Variants in PRIM2 observed in about 807,000 individuals in gnomAD.
PRIM2 encodes the protein DNA primase large subunit.
PRIM2 carries 39 observed loss-of-function variants against 67.3 expected under a neutral mutation model. The observed-to-expected ratio is 0.58, with a 90% CI of 0.45 to 0.76. The LOEUF is 0.76. Among genes scored for constraint, PRIM2 ranks in the 30% least tolerant of loss-of-function variants. The pLI, the probability that PRIM2 is intolerant of heterozygous loss-of-function variation, is 0.00. For missense variants in PRIM2, 398 were observed against 598.7 expected, an observed-to-expected ratio of 0.66 and a Z score of 3.50; for synonymous variants, 143 against 198.7, an observed-to-expected ratio of 0.72 and a Z score of 2.36.
chr6:57,297,859 T>A, the PRIM2 span, among the ~76,000 whole-genome samples: 1 of 152,022 alleles, frequency 6.6e-6, no homozygotes, highest in Non-Finnish European at 1.5e-5. Flanking sequence ...AGCAGGGACA[T>A]GAAAGACAAA....
chr6:57,364,692 T>C (rs1377667556), intron 5 of PRIM2, among the ~76,000 whole-genome samples: 2 of 152,012 alleles, frequency 1.3e-5, no homozygotes, highest in Non-Finnish European at 2.9e-5. Context: ...GTCTTCCGCT[T>C]GGCAGGCCCT....
At chr6:57,417,174 T>G (rs1473683444) in intron 7 of PRIM2, among the ~76,000 whole-genome samples, 1 of 151,982 alleles carries the variant, frequency 6.6e-6, no homozygotes, top group Non-Finnish European at 1.5e-5. Context: ...ACCATGTTGG[T>G]CAGGCTAGCC....
chr6:57,305,878 A>G, the PRIM2 span, among the ~76,000 whole-genome samples: 1 of 152,228 alleles, frequency 6.6e-6, no homozygotes, highest in Non-Finnish European at 1.5e-5. Flanking sequence ...AGCTGGCATG[A>G]ATAACTAGTA....
At chr6:57,476,490 C>T (rs1773480162) in intron 7 of PRIM2, among the ~76,000 whole-genome samples, 1 of 152,090 alleles carries the variant, frequency 6.6e-6, no homozygotes, top group African/African-American at 2.4e-5. Flanking sequence ...TTTTGAAATA[C>T]CATTCATCTG....
chr6:57,630,899 A>G (rs1777027916), intron 12 of PRIM2, among the ~76,000 whole-genome samples: 1 of 152,166 alleles, frequency 6.6e-6, no homozygotes, highest in Non-Finnish European at 1.5e-5. Context: ...TTTTAAATTG[A>G]TTTTTCATAT....
intron 10 of PRIM2, among the ~76,000 whole-genome samples, chr6:57,549,927 A>C (rs1775366117): frequency 6.6e-6 from 1 of 152,132 alleles, no homozygotes; most frequent in Non-Finnish European, 1.5e-5. Context: ...CTCTACTAAA[A>C]AGACAAAATT....
chr6:57,257,743 T>G, the PRIM2 span, among the ~76,000 whole-genome samples: 1 of 152,210 alleles, frequency 6.6e-6, no homozygotes, highest in Admixed American at 6.5e-5. Context: ...CCATTTCTCA[T>G]TTGTAAAATG....
chr6:57,378,018 T>C (rs1474080958), intron 5 of PRIM2, among the ~76,000 whole-genome samples: 1 of 152,046 alleles, frequency 6.6e-6, no homozygotes. Context: ...CCAGGTTCCA[T>C]TCAGTGATGT....
At chr6:57,482,768 A>T (rs1397934636) in intron 7 of PRIM2, among the ~76,000 whole-genome samples, 1 of 152,220 alleles carries the variant, frequency 6.6e-6, no homozygotes, top group Non-Finnish European at 1.5e-5. Flanking sequence ...AGGAGAAAGT[A>T]TCAGCTTTGT....
At chr6:57,231,201 G>A in the PRIM2 span, among the ~76,000 whole-genome samples, 1 of 152,278 alleles carries the variant, frequency 6.6e-6, no homozygotes, top group East Asian at 1.9e-4. Context: ...ATCCATATGT[G>A]AGATGGTCCA....
chr6:57,338,170 T>A (rs930943161), intron 5 of PRIM2, among the ~76,000 whole-genome samples: 25 of 151,932 alleles, frequency 1.6e-4, no homozygotes, highest in Non-Finnish European at 1.6e-4. Flanking sequence ...AGAAGTTGAA[T>A]CTCTGAATAG....
chr6:57,352,624 G>A (rs1040993575), intron 5 of PRIM2, among the ~76,000 whole-genome samples: 3 of 152,084 alleles, frequency 2.0e-5, no homozygotes, highest in African/African-American at 7.2e-5. Context: ...ATTAGAGTGG[G>A]GTAAATGAAG....
At chr6:57,555,518 G>T (rs1171216928) in intron 10 of PRIM2, among the ~76,000 whole-genome samples, 3 of 152,146 alleles carry the variant, frequency 2.0e-5, no homozygotes, top group African/African-American at 4.8e-5. Context: ...GACCTCAAGT[G>T]ATCCACCCGC....
chr6:57,292,255 A>G, the PRIM2 span, among the ~76,000 whole-genome samples: 3 of 152,188 alleles, frequency 2.0e-5, no homozygotes, highest in African/African-American at 7.2e-5. Context: ...AACTACTACA[A>G]AGAGAATAAA....
At chr6:57,578,834 G>T (rs1409902667) in intron 10 of PRIM2, among the ~76,000 whole-genome samples, 9 of 151,264 alleles carry the variant, frequency 5.9e-5, no homozygotes, top group Non-Finnish European at 1.2e-4. Context: ...CCGCTACCAC[G>T]CCCGGCTAAT....
chr6:57,612,469 A>G (rs1463146077), intron 12 of PRIM2, among the ~76,000 whole-genome samples: 2 of 152,232 alleles, frequency 1.3e-5, no homozygotes, highest in African/African-American at 4.8e-5. Flanking sequence ...ACATTATACC[A>G]AGTGAAAGAA....
At chr6:57,291,897 A>G in the PRIM2 span, among the ~76,000 whole-genome samples, 1 of 152,234 alleles carries the variant, frequency 6.6e-6, no homozygotes, top group Non-Finnish European at 1.5e-5. Flanking sequence ...ATCATACTGA[A>G]TAGGCAAAAA....
the PRIM2 span, among the ~76,000 whole-genome samples, chr6:57,260,241 T>C: frequency 1.3e-5 from 2 of 152,138 alleles, no homozygotes; most frequent in African/African-American, 4.8e-5. Context: ...CAAAAGCATA[T>C]AGTGGAGCAG....
intron 7 of PRIM2, among the ~76,000 whole-genome samples, chr6:57,483,138 C>T (rs1773669638): frequency 6.6e-6 from 1 of 152,102 alleles, no homozygotes; most frequent in African/African-American, 2.4e-5. Flanking sequence ...AAACTCCTGA[C>T]CTCAGGTGAT....
Sources: gnomAD v4.1 joint callset for allele counts (sites outside exome capture counted in the v4.1 genomes callset) on GRCh38, gnomAD v4.1.1 for gene constraint, MANE v1.5 for transcripts, NCBI Gene and HGNC (gene_info 2026-07-23, HGNC 2026-07-21) for gene names.